PHF21A: variants seen among roughly 807,000 people sequenced by gnomAD.
PHF21A encodes BHC80a.
PHF21A carries 11 observed loss-of-function variants against 82.5 expected under a neutral mutation model. The ratio of observed to expected loss-of-function variants is 0.13; its 90% CI spans 0.08 to 0.22. The LOEUF is 0.22. Ranked by LOEUF, PHF21A falls within the 10% of genes least tolerant of loss-of-function variation. The probability of loss-of-function intolerance (pLI) is 1.00; values close to 1 mark genes in which losing one functional copy is unlikely to be tolerated. For synonymous variants in PHF21A, 297 were observed against 302.8 expected (o/e 0.98, Z 0.20); for missense variants, 579 against 837.8 (o/e 0.69, Z 3.81).
At chr11:46,086,321 G>T (rs957426661) in intron 3 of PHF21A, among the ~76,000 whole-genome samples, 2 of 152,006 alleles carry the variant, frequency 1.3e-5, no homozygotes, top group Admixed American at 6.6e-5. Flanking sequence ...GGGTTTCACC[G>T]TGTTAGCCAG....
intron 18 of PHF21A, 62 bp downstream of exon 18, chr11:45,935,574 A>G: frequency 1.1e-6 from 1 of 874,496 alleles, no homozygotes; most frequent in African/African-American, 1.7e-5. Flanking sequence ...TGTTACGTAT[A>G]TTGGAAAGGC....
At chr11:46,078,576 T>C (rs758773216) in intron 5 of PHF21A, among the ~76,000 whole-genome samples, 43 of 152,148 alleles carry the variant, frequency 2.8e-4, no homozygotes, top group Non-Finnish European at 3.5e-4. Context: ...AAAGTTAACA[T>C]TCTCTGTTAA....
chr11:45,949,847 G>A (rs1028217318), intron 12 of PHF21A, among the ~76,000 whole-genome samples: 2 of 152,226 alleles, frequency 1.3e-5, no homozygotes, highest in Admixed American at 6.5e-5. Context: ...ATCAGGACAG[G>A]TATAGCTTTG....
At chr11:46,003,177 T>C (rs1377507817) in intron 6 of PHF21A, among the ~76,000 whole-genome samples, 1 of 152,120 alleles carries the variant, frequency 6.6e-6, no homozygotes, top group African/African-American at 2.4e-5. Flanking sequence ...AGATTATTTC[T>C]TGCTTTGAAA....
chr11:46,034,786 T>C (rs941874949), intron 6 of PHF21A, among the ~76,000 whole-genome samples: 1 of 152,190 alleles, frequency 6.6e-6, no homozygotes, highest in Non-Finnish European at 1.5e-5. Flanking sequence ...AAGTCTTACA[T>C]GACCCAGTTT....
intron 6 of PHF21A, among the ~76,000 whole-genome samples, chr11:45,997,088 C>T (rs61882507): frequency 0.17 from 25,863 of 152,080 alleles, 2,907 homozygotes; most frequent in Non-Finnish European, 0.24. Flanking sequence ...ATTAATAAGA[C>T]GCTTAGTATT....
At chr11:45,951,429 T>C (rs1284781141) in intron 11 of PHF21A, among the ~76,000 whole-genome samples, 1 of 152,248 alleles carries the variant, frequency 6.6e-6, no homozygotes, top group Non-Finnish European at 1.5e-5. Context: ...CCTGAAGAAA[T>C]GTTTTTATAT....
At chr11:46,085,284 A>G (rs2096843268) in intron 3 of PHF21A, among the ~76,000 whole-genome samples, 1 of 152,192 alleles carries the variant, frequency 6.6e-6, no homozygotes, top group South Asian at 2.1e-4. Context: ...CCAGCTTTAC[A>G]ATGAAAATCA....
Position 46,007,926 on chromosome 11 carries a change from T to C in PHF21A, c.154-27960A>G, listed in dbSNP as rs1208244073. Among the ~76,000 whole-genome samples the C allele has an allele frequency of 3.9e-5, 6 of 152,352 alleles. No individual in the cohort carries two copies. The South Asian group carries it at 6.2e-4, about 16-fold the overall frequency. The stretch of plus-strand genomic sequence containing the variant: ...TCTATCACAATAATCCGTGTTGTTA[T>C]GTTATTTTCATTTTTAATCGCATAT... On this transcript the variant is annotated intron_variant, in intron 6 of 18. Transcript: ENST00000676320.
At chr11:46,008,268 T>C (rs992934053) in intron 6 of PHF21A, among the ~76,000 whole-genome samples, 2 of 152,194 alleles carry the variant, frequency 1.3e-5, no homozygotes, top group African/African-American at 4.8e-5. Flanking sequence ...ATTTGTGAGG[T>C]CTTCAATTGA....
intron 6 of PHF21A, among the ~76,000 whole-genome samples, chr11:46,001,475 T>A (rs1481019220): frequency 6.6e-6 from 1 of 151,980 alleles, no homozygotes; most frequent in African/African-American, 2.4e-5. Context: ...AGACTAACAA[T>A]AGAAGCTCCA....
chr11:45,988,105 T>G (rs970491302), intron 6 of PHF21A, among the ~76,000 whole-genome samples: 12 of 152,186 alleles, frequency 7.9e-5, no homozygotes, highest in African/African-American at 2.9e-4. Flanking sequence ...GGAACACTGC[T>G]CAGACAAAAC....
At chr11:45,953,021 C>T (rs2092305705) in intron 11 of PHF21A, among the ~76,000 whole-genome samples, 1 of 152,176 alleles carries the variant, frequency 6.6e-6, no homozygotes, top group African/African-American at 2.4e-5. Context: ...TACTTTTATG[C>T]TTCAATGGAT....
chr11:46,108,153 T>C (rs1198639265), intron 1 of PHF21A, among the ~76,000 whole-genome samples: 5 of 152,200 alleles, frequency 3.3e-5, no homozygotes, highest in African/African-American at 9.7e-5. Context: ...AATAAATGTG[T>C]CCTAACAACC....
At chr11:45,937,514 CTT>C (rs2089373440) in intron 16 of PHF21A, among the ~76,000 whole-genome samples, 1 of 152,176 alleles carries the variant, frequency 6.6e-6, no homozygotes, top group Non-Finnish European at 1.5e-5. Context: ...GAGTCTCGCT[CTT>C]GTCACCCAGG....
chr11:45,967,360 CCT>C (rs2093501080), intron 9 of PHF21A, among the ~76,000 whole-genome samples: 1 of 92,846 alleles, frequency 1.1e-5, no homozygotes, highest in African/African-American at 3.6e-5. Context: ...AGAGTGAGAC[CCT>C]GTCTTAAAAA....
chr11:45,935,806 G>A (rs2088848965), intron 17 of PHF21A, 67 bp from the exon 18 acceptor site: 2 of 767,324 alleles, frequency 2.6e-6, no homozygotes, highest in Admixed American at 5.1e-5. Context: ...TGTCCTCTGT[G>A]CTCAGAATGC....
Position 45,945,928 on chromosome 11 carries a change from T to G in PHF21A, c.1364A>C (p.Asp455Ala). ...CTCTGTCTTTTCATTTTCAGGGGAG[T>G]CAGGATGACTGGATTGGGGGGATGT... is the stretch of plus-strand genomic sequence containing the variant. ...TPTSPQSSHPDSPENEKTETT... is the reference protein window; with the variant it reads ...TPTSPQSSHPASPENEKTETT... Residue 455 changes from aspartate (D) to alanine (A), a missense_variant, in exon 15 of 19, where the codon GAC (aspartate) becomes GCC (alanine). Asp to Ala is a moderately radical substitution (Grantham distance 126). This residue lies in a region of PHF21A where 410 missense variants were observed against 642.1 expected (regional missense o/e 0.64). Coordinates refer to ENST00000676320, the MANE Select transcript of PHF21A (RefSeq NM_001352027.3). The G allele has an allele frequency of 6.2e-7, 1 of 1,612,000 alleles. No homozygotes were observed. Among genetic ancestry groups the G allele is most frequent in the East Asian group, 2.2e-5 (1 of 44,814 alleles).
At chr11:46,041,175 A>C (rs2096132262) in intron 6 of PHF21A, among the ~76,000 whole-genome samples, 1 of 152,178 alleles carries the variant, frequency 6.6e-6, no homozygotes, top group African/African-American at 2.4e-5. Flanking sequence ...CCACAGTTTC[A>C]AATACAGAAG....
Sources: gnomAD v4.1 joint callset for allele counts (sites outside exome capture counted in the v4.1 genomes callset) on GRCh38, gnomAD v4.1.1 for gene constraint, gnomAD v4.1.1 regional missense constraint, MANE v1.5 for transcripts, NCBI Gene and HGNC (gene_info 2026-07-23, HGNC 2026-07-21) for gene names.